PLXND1: variants seen among roughly 807,000 people sequenced by gnomAD.
The protein encoded by PLXND1 is plexin-D1.
Under a neutral mutation model 197.7 loss-of-function variants are expected in PLXND1, and 54 were observed. That is an observed-to-expected ratio of 0.27 (90% CI 0.22 to 0.34). PLXND1 has a LOEUF of 0.34. PLXND1 is among the 10% of genes least tolerant of loss of function. The probability of loss-of-function intolerance (pLI) is 1.00; values close to 1 mark genes in which losing one functional copy is unlikely to be tolerated. For missense variants in PLXND1, 2,127 were observed against 2,699.2 expected (o/e 0.79, Z 4.70); for synonymous variants, 1,180 against 1,161.2 (o/e 1.02, Z -0.33).
At chr3:129,597,924 G>C (rs2085651933) in intron 1 of PLXND1, among the ~76,000 whole-genome samples, 1 of 152,286 alleles carries the variant, frequency 6.6e-6, no homozygotes, top group South Asian at 2.1e-4. Flanking sequence ...AGAGGCCCTC[G>C]GGAGTTACCT....
chr3:129,560,664 C>T (rs1274521928), intron 30 of PLXND1, 25 bp downstream of exon 30: 2 of 1,585,088 alleles, frequency 1.3e-6, no homozygotes, highest in Admixed American at 1.7e-5. Flanking sequence ...GGCTGGATCC[C>T]CCGGGGCCGA....
At position 129,606,358 on chromosome 3, in the gene PLXND1, G is replaced by C; in HGVS notation, c.282C>G (p.Ala94=). 4 of 1,472,768 alleles carry C rather than the reference G, an allele frequency of 2.7e-6. No individual in the cohort carries two copies. Among genetic ancestry groups the C allele is most frequent in the Non-Finnish European group, 3.6e-6 (4 of 1,121,468 alleles). The allele number at this position is 1,472,768 out of a possible 1,614,324, so 91.2% of individuals were successfully genotyped here. A position where few individuals can be genotyped will look rare whatever the true frequency, so the allele number is the denominator to read the frequency against. ...GANLSLEAEA[A]VGPVPDSPLC... ...GCGGGCTGTCGGGCACCGGGCCCACGGCCGCCTCGGCCTCCAGGCTCAGGT... is the reference window on the plus strand; with the variant it reads ...GCGGGCTGTCGGGCACCGGGCCCACCGCCGCCTCGGCCTCCAGGCTCAGGT... The change falls in exon 1 of 36, where the codon GCC becomes GCG. Residue 94 remains alanine (A), a synonymous_variant. Coordinates refer to ENST00000324093, the MANE Select transcript of PLXND1 (RefSeq NM_015103.3).
Position 129,567,532 on chromosome 3 carries a change from A to G in PLXND1, c.4046T>C (p.Leu1349Pro). The change falls in exon 22 of 36, where the codon CTG becomes CCG. Residue 1349 changes from leucine (L) to proline (P), a missense_variant. Coordinates refer to ENST00000324093, the MANE Select transcript of PLXND1 (RefSeq NM_015103.3). Reference sequence around the variant, plus strand: ...GCGGGTCACGAAGTGCTTATACTCCAGGAAGGGGATGCCCTGGCTGCGGTT... The same window carrying G: ...GCGGGTCACGAAGTGCTTATACTCCGGGAAGGGGATGCCCTGGCTGCGGTT... ...ELNRSQGIPF[L>P]EYKHFVTRTF... is the part of the protein sequence containing the mutation. 6.2e-7 allele frequency: 1 copy of G among 1,611,004 alleles called. No homozygotes were observed. The highest frequency in any genetic ancestry group is 8.5e-7 in the Non-Finnish European group (1 of 1,178,172).
chr3:129,571,871 G>A, intron 15 of PLXND1, 27 bp from the exon 16 acceptor site: 1 of 1,573,148 alleles, frequency 6.4e-7, no homozygotes, highest in South Asian at 1.1e-5. Flanking sequence ...GTTATCAGCA[G>A]GGCCTGCCTT....
intron 29 of PLXND1, 46 bp downstream of exon 29, chr3:129,561,598 CCT>C: frequency 2.1e-6 from 3 of 1,401,544 alleles, no homozygotes; most frequent in Non-Finnish European, 3.0e-6. Context: ...GATGGAAGCC[CCT>C]GTCCACACGC....
chr3:129,560,544 T>G (rs2108763723), intron 30 of PLXND1, 110 bp from the exon 31 acceptor site: 1 of 967,222 alleles, frequency 1.0e-6, no homozygotes, highest in East Asian at 2.4e-5. Flanking sequence ...GGTTCCCTCC[T>G]GATTCTGGGC....
intron 13 of PLXND1, 87 bp from the exon 14 acceptor site, chr3:129,573,028 C>T: frequency 5.9e-6 from 5 of 852,956 alleles, no homozygotes; most frequent in Non-Finnish European, 9.7e-6. Context: ...CATTCCACGC[C>T]ATGCCACACT....
At chr3:129,574,237 A>C in intron 12 of PLXND1, 99 bp downstream of exon 12, 2 of 1,099,634 alleles carry the variant, frequency 1.8e-6, no homozygotes, top group Admixed American at 5.3e-5. Context: ...GTGTCGGTGT[A>C]TGTGCCGTTT....
intron 27 of PLXND1, 152 bp downstream of exon 27, chr3:129,562,635 A>G (rs2085078394): frequency 6.1e-6 from 4 of 659,680 alleles, no homozygotes; most frequent in African/African-American, 1.8e-5. Flanking sequence ...CCTACAGAGT[A>G]AGAGCTTCTT....
chr3:129,591,112 T>C (rs1026652993), intron 1 of PLXND1, among the ~76,000 whole-genome samples: 10 of 152,206 alleles, frequency 6.6e-5, no homozygotes, highest in African/African-American at 2.4e-4. Context: ...GCTTCTAGGC[T>C]GGGGCTGTTT....
chr3:129,576,249 A>G (rs2085312842), intron 9 of PLXND1, among the ~76,000 whole-genome samples: 1 of 152,156 alleles, frequency 6.6e-6, no homozygotes. Flanking sequence ...CCAACGCCCA[A>G]CACGGCCAGA....
chr3:129,605,393 A>G lies in PLXND1; in HGVS notation c.1247T>C (p.Val416Ala). ...ACFVEPAPDV[V>A]AVLDSVVQGT... ...CTGCACCACGCTGTCGAGCACCGCCACCACGTCGGGCGCCGGTTCCACGAA... is the reference window on the plus strand; with the variant it reads ...CTGCACCACGCTGTCGAGCACCGCCGCCACGTCGGGCGCCGGTTCCACGAA... Residue 416 changes from valine to alanine, a missense_variant, in exon 1 of 36, where the codon GTG (valine) becomes GCG (alanine). Val to Ala is a moderately conservative substitution (Grantham distance 64). Transcript: ENST00000324093. The G allele has an allele frequency of 6.7e-7, 1 of 1,501,382 alleles. No homozygotes were observed. Among genetic ancestry groups the G allele is most frequent in the South Asian group, 1.2e-5 (1 of 80,156 alleles). 93.0% of individuals were successfully genotyped at this position (1,501,382 alleles called of 1,614,324 possible).
Position 129,606,119 on chromosome 3 carries a change from G to A in PLXND1, c.521C>T (p.Thr174Met), listed in dbSNP as rs2085789384. The A allele has an allele frequency of 1.3e-6, 2 of 1,536,706 alleles. No homozygotes were observed. Among genetic ancestry groups the A allele is most frequent in the African/African-American group, 1.4e-5 (1 of 71,906 alleles). The part of the protein sequence containing the change: ...PPAAPPAEPV[T>M]VFPSMLNVAA... ...CACGTTCAGCATGCTGGGGAACACC[G>A]TGACGGGCTCGGCGGGCGGCGCGGC... Residue 174 changes from threonine (T) to methionine (M), a missense_variant, in exon 1 of 36, where the codon ACG becomes ATG. Thr to Met is a moderately conservative substitution (Grantham distance 81). Coordinates refer to ENST00000324093, the MANE Select transcript of PLXND1 (RefSeq NM_015103.3).
intron 25 of PLXND1, among the ~76,000 whole-genome samples, chr3:129,564,512 C>T (rs947070547): frequency 1.3e-5 from 2 of 152,216 alleles, no homozygotes; most frequent in Non-Finnish European, 1.5e-5. Flanking sequence ...ACAGAACATC[C>T]GAGGCCCCGG....
rs1318517805 is a variant in PLXND1 at position 129,557,724 on chromosome 3, A to G, written c.5446-501T>C. ...CCTTCGGAGGCAGTACGTGAGTAGT[A>G]GTGGAGCGATGGCATTTTCTCCTTC... On this transcript the variant is annotated intron_variant, in intron 33 of 35. Coordinates refer to ENST00000324093, the MANE Select transcript of PLXND1 (RefSeq NM_015103.3). This position sits in a 1 kb window ranked among gnomAD's most constrained non-coding sequence, Gnocchi z 4.8. Among the ~76,000 whole-genome samples, 2 of 152,170 alleles carry G rather than the reference A, an allele frequency of 1.3e-5. No homozygotes were observed. Among genetic ancestry groups the G allele is most frequent in the Non-Finnish European group, 2.9e-5 (2 of 68,018 alleles).
chr3:129,565,940 G>A lies in PLXND1; in HGVS notation c.4269C>T (p.Leu1423=). ...FSSLLNNKHF[L]IVFVHALEQQ... is the part of the protein sequence containing the mutation. ...GCTCCAGCGCGTGGACAAAGACGAT[G>A]AGGAAGTGCTTGTTGTTGAGTAGTG... Residue 1423 remains leucine (L), a synonymous_variant, in exon 24 of 36, where the codon CTC becomes CTT. Coordinates refer to ENST00000324093, the MANE Select transcript of PLXND1 (RefSeq NM_015103.3). The A allele has an allele frequency of 6.2e-7, 1 of 1,614,200 alleles. No homozygotes were observed. The highest frequency in any genetic ancestry group is 8.5e-7 in the Non-Finnish European group (1 of 1,180,010).
chr3:129,603,636 G>A (rs959429089), intron 1 of PLXND1, among the ~76,000 whole-genome samples: 4 of 152,202 alleles, frequency 2.6e-5, no homozygotes, highest in South Asian at 2.1e-4. Context: ...CTCACCCACC[G>A]TGACCTTTAC....
At chr3:129,601,742 A>G (rs186517086) in intron 1 of PLXND1, among the ~76,000 whole-genome samples, 222 of 152,252 alleles carry the variant, frequency 1.5e-3, no homozygotes, top group African/African-American at 5.2e-3. Flanking sequence ...GACTCTGGGC[A>G]GCTTTCTGCT....
At chr3:129,591,851 T>C (rs1217124086) in intron 1 of PLXND1, among the ~76,000 whole-genome samples, 1 of 152,130 alleles carries the variant, frequency 6.6e-6, no homozygotes, top group Admixed American at 6.6e-5. Flanking sequence ...AGCTGCCAAA[T>C]GAGCCCTTTA....
Sources: gnomAD v4.1 joint callset for allele counts (sites outside exome capture counted in the v4.1 genomes callset) on GRCh38, gnomAD v4.1.1 for gene constraint, Gnocchi (gnomAD v3.1) non-coding constraint, MANE v1.5 for transcripts, NCBI Gene and HGNC (gene_info 2026-07-23, HGNC 2026-07-21) for gene names.